PCDHA4: variants seen among roughly 807,000 people sequenced by gnomAD.
PCDHA4 encodes protocadherin alpha 4, also known as protocadherin alpha-4.
Under a neutral mutation model 61.4 loss-of-function variants are expected in PCDHA4, and 49 were observed. The ratio of observed to expected loss-of-function variants is 0.80; its 90% CI spans 0.63 to 1.01. The LOEUF (loss-of-function observed/expected upper bound fraction) is 1.01, where lower values mean the gene tolerates loss of function less well. Ranked by LOEUF, PCDHA4 falls within the 50% of genes least tolerant of loss-of-function variation. The pLI is 0.00. For missense variants in PCDHA4, 1,254 were observed against 1,235.8 expected, an observed-to-expected ratio of 1.01 and a Z score of -0.22; for synonymous variants, 590 against 550.3, an observed-to-expected ratio of 1.07 and a Z score of -1.01.
chr5:141,001,022 T>C (rs2097984457), intron 3 of PCDHA4, among the ~76,000 whole-genome samples: 1 of 152,250 alleles, frequency 6.6e-6, no homozygotes, highest in Non-Finnish European at 1.5e-5. Context: ...TATACACTTA[T>C]AATAATAGCT....
chr5:140,852,671 T>C (rs1371221007), intron 1 of PCDHA4: 3 of 965,758 alleles, frequency 3.1e-6, no homozygotes, highest in East Asian at 1.1e-4. Context: ...TCAGCACAAC[T>C]CACCTTGAAT....
At chr5:140,892,136 G>T (rs1441807118) in intron 1 of PCDHA4, among the ~76,000 whole-genome samples, 1 of 152,254 alleles carries the variant, frequency 6.6e-6, no homozygotes, top group East Asian at 1.9e-4. Flanking sequence ...TAAGCTCATG[G>T]TTTTAGCGTC....
At chr5:140,862,948 G>T (rs782222335) in intron 1 of PCDHA4, 1 of 543,712 alleles carries the variant, frequency 1.8e-6, no homozygotes, top group South Asian at 1.4e-5. Context: ...GTGAGCTGGT[G>T]CGGTATTCAG....
At chr5:140,957,191 T>C (rs1302296413) in intron 1 of PCDHA4, among the ~76,000 whole-genome samples, 1 of 152,150 alleles carries the variant, frequency 6.6e-6, no homozygotes, top group Non-Finnish European at 1.5e-5. Flanking sequence ...TGATGACCGA[T>C]TGGGAATATA....
intron 1 of PCDHA4, chr5:140,868,497 T>C (rs1458506620): frequency 1.3e-5 from 2 of 152,376 alleles, no homozygotes; most frequent in Admixed American, 6.5e-5. Flanking sequence ...TTGAGTTCCC[T>C]AGCAGCCAAA....
In PCDHA4 at chr5:140,848,948, G is replaced by C. The variant is rs2150426215; in HGVS notation, c.2385+39376G>C. ...CGGAATCCAGGCCGCTTGACTCTCG[G>C]TTTCCACTAGAGGGCGCGTCCGATG... On this transcript the variant is annotated intron_variant, in intron 1 of 3. Coordinates refer to ENST00000530339, the MANE Select transcript of PCDHA4 (RefSeq NM_018907.4). 8.1e-6 allele frequency: 13 copies of C among 1,607,010 alleles called. No homozygotes were observed. The African/African-American group carries it at 1.8e-4, about 22-fold the overall frequency.
intron 3 of PCDHA4, among the ~76,000 whole-genome samples, chr5:141,002,328 C>T (rs1421788305): frequency 3.3e-5 from 5 of 152,250 alleles, no homozygotes; most frequent in Admixed American, 6.5e-5. Flanking sequence ...GGCCGGGCTG[C>T]ATCCGCACCC....
intron 1 of PCDHA4, chr5:140,855,964 T>A: frequency 7.1e-7 from 1 of 1,408,442 alleles, no homozygotes; most frequent in Non-Finnish European, 9.6e-7. Context: ...AAAAAATAGA[T>A]ATAAGAAATA....
At chr5:140,974,009 A>C (rs1554235749) in intron 1 of PCDHA4, among the ~76,000 whole-genome samples, 2 of 152,236 alleles carry the variant, frequency 1.3e-5, no homozygotes, top group African/African-American at 4.8e-5. Flanking sequence ...TGTTTTGTGC[A>C]TGTGATAATA....
chr5:140,858,904 C>A (rs2045655579), intron 1 of PCDHA4: 1 of 197,854 alleles, frequency 5.1e-6, no homozygotes, highest in East Asian at 1.5e-4. Context: ...TGTAGCGTAC[C>A]ACAGCTTATA....
chr5:140,926,805 G>A, intron 1 of PCDHA4: 2 of 1,452,468 alleles, frequency 1.4e-6, no homozygotes, highest in Non-Finnish European at 9.0e-7. Flanking sequence ...GCTCTTCCCC[G>A]CGGCTCGTGC....
intron 1 of PCDHA4, among the ~76,000 whole-genome samples, chr5:140,846,371 TTC>T (rs140960073): frequency 0.32 from 35,391 of 108,896 alleles, 6,884 homozygotes; most frequent in South Asian, 0.47. Context: ...TTTTCTTTCT[TTC>T]TTTTTTTTTT....
At chr5:140,856,978 G>A in intron 1 of PCDHA4, 2 of 1,594,578 alleles carry the variant, frequency 1.3e-6, no homozygotes, top group Non-Finnish European at 1.7e-6. Context: ...TTGACTTTGA[G>A]GACAGTAACA....
intron 1 of PCDHA4, chr5:140,812,387 T>G (rs2126638189): frequency 2.6e-5 from 4 of 152,134 alleles, no homozygotes; most frequent in Non-Finnish European, 4.4e-5. Context: ...TTTTTCTTAG[T>G]CTAGCTAAGG....
At chr5:140,990,668 G>A (rs1554251661) in intron 3 of PCDHA4, among the ~76,000 whole-genome samples, 1 of 152,178 alleles carries the variant, frequency 6.6e-6, no homozygotes, top group African/African-American at 2.4e-5. Flanking sequence ...TACATTAGAT[G>A]CACACCAAGC....
chr5:140,926,885 GAGGGA>G (rs782449015), intron 1 of PCDHA4: 1 of 1,543,482 alleles, frequency 6.5e-7, no homozygotes, highest in Non-Finnish European at 8.7e-7. Context: ...TGGACGCCTA[GAGGGA>G]GGATGGTGGG....
At chr5:140,923,480 C>G (rs1554201462) in intron 1 of PCDHA4, among the ~76,000 whole-genome samples, 1 of 152,064 alleles carries the variant, frequency 6.6e-6, no homozygotes, top group African/African-American at 2.4e-5. Context: ...AGTGAGCCAT[C>G]TTCACACCAC....
rs2096268798 is a variant in PCDHA4 at position 140,968,765 on chromosome 5, G to A, written c.2386-10184G>A. 8.1e-6 allele frequency: 13 copies of A among 1,614,078 alleles called. No homozygotes were observed. The East Asian group carries it at 2.2e-4, about 28-fold the overall frequency. On this transcript the variant is annotated intron_variant, in intron 1 of 3. Transcript: ENST00000530339. Reference sequence around the variant, plus strand: ...GACCGTGGTGGTCCGAGATAATGGAGAGCCATCACTATCAGCCTCTGTGGC... The same window carrying A: ...GACCGTGGTGGTCCGAGATAATGGAAAGCCATCACTATCAGCCTCTGTGGC...
At chr5:140,902,702 C>T (rs78828243) in intron 1 of PCDHA4, among the ~76,000 whole-genome samples, 7,835 of 152,116 alleles carry the variant, frequency 0.052, 268 homozygotes, top group Admixed American at 0.075. Flanking sequence ...AGTCTTTTAT[C>T]TTTCACTCCC....
Sources: gnomAD v4.1 joint callset for allele counts (sites outside exome capture counted in the v4.1 genomes callset) on GRCh38, gnomAD v4.1.1 for gene constraint, MANE v1.5 for transcripts, NCBI Gene and HGNC (gene_info 2026-07-23, HGNC 2026-07-21) for gene names.